The following GPC5 variants were observed in gnomAD, a reference collection of about 807,000 sequenced individuals.
GPC5 encodes the protein glypican 5.
A neutral mutation model predicts 53.9 loss-of-function variants in GPC5; 47 were observed. That is an observed-to-expected ratio of 0.87 (90% confidence interval 0.69 to 1.11). The LOEUF is 1.11. Ranked by LOEUF, GPC5 falls within the 50% of genes most tolerant of loss-of-function variation. GPC5 has a pLI of 0.00. For synonymous variants in GPC5, 286 were observed against 263.3 expected (o/e 1.09, Z -0.84); for missense variants, 748 against 713.1 (o/e 1.05, Z -0.56).
At chr13:92,573,183 C>A (rs182740446) in intron 7 of GPC5, among the ~76,000 whole-genome samples, 1 of 152,112 alleles carries the variant, frequency 6.6e-6, no homozygotes, top group African/African-American at 2.4e-5. Flanking sequence ...TTTTAAAGAT[C>A]GTGGCTACTG....
intron 7 of GPC5, among the ~76,000 whole-genome samples, chr13:92,363,237 A>G (rs2043582290): frequency 6.6e-6 from 1 of 151,688 alleles, no homozygotes; most frequent in Non-Finnish European, 1.5e-5. Context: ...TCCACCAGCT[A>G]GAGTAAAAAT....
At chr13:92,743,098 GT>G (rs201717388) in intron 7 of GPC5, among the ~76,000 whole-genome samples, 36 of 149,530 alleles carry the variant, frequency 2.4e-4, no homozygotes, top group South Asian at 1.5e-3. Flanking sequence ...CTTTAAAGTA[GT>G]TTTTTTTTTC....
intron 1 of GPC5, among the ~76,000 whole-genome samples, chr13:91,410,578 C>T (rs1877670735): frequency 6.6e-6 from 1 of 151,668 alleles, no homozygotes; most frequent in Admixed American, 6.6e-5. Context: ...GATCTCCTGA[C>T]CTCGTGATCC....
At chr13:92,271,721 T>C (rs578103840) in intron 7 of GPC5, among the ~76,000 whole-genome samples, 2 of 152,154 alleles carry the variant, frequency 1.3e-5, no homozygotes, top group South Asian at 2.1e-4. Flanking sequence ...AGAAAGAAGG[T>C]AGAGCTCTAG....
chr13:92,091,779 AAC>A (rs1225603073), intron 6 of GPC5, among the ~76,000 whole-genome samples: 108 of 152,104 alleles, frequency 7.1e-4, no homozygotes, highest in African/African-American at 2.6e-3. Flanking sequence ...AAAAAAAAAA[AAC>A]AATGTGAAAG....
At chr13:91,657,391 A>G (rs2034872131) in intron 2 of GPC5, among the ~76,000 whole-genome samples, 1 of 152,124 alleles carries the variant, frequency 6.6e-6, no homozygotes, top group African/African-American at 2.4e-5. Context: ...TAGCCAGTAG[A>G]TCTCAACTGG....
At chr13:91,665,516 C>CTTTTTTTT (rs1555335537) in intron 2 of GPC5, among the ~76,000 whole-genome samples, 1 of 106,522 alleles carries the variant, frequency 9.4e-6, no homozygotes. Context: ...TTTTTTTTTT[C>CTTTTTTTT]TTTTGAGACG....
rs1353356438 is a variant in GPC5, at chr13:91,474,893, C to T, written c.325+25971C>T. ...TGGATATTTACTATGGGTGACACTA[C>T]TATTAAAGTATATAGCATTTAAGTC... is the stretch of plus-strand genomic sequence containing the variant. On this transcript the variant is annotated intron_variant, in intron 2 of 7. Coordinates refer to ENST00000377067, the MANE Select transcript of GPC5 (RefSeq NM_004466.6). Among the ~76,000 whole-genome samples the T allele has an allele frequency of 9.9e-5, 15 of 152,190 alleles. No homozygotes were observed. In the South Asian group the frequency reaches 2.7e-3, roughly 27 times the overall value.
intron 7 of GPC5, among the ~76,000 whole-genome samples, chr13:92,436,793 GTGA>G (rs1158810382): frequency 2.6e-5 from 4 of 152,060 alleles, no homozygotes; most frequent in African/African-American, 9.7e-5. Flanking sequence ...TATTCAATAG[GTGA>G]TGATCATTGT....
chr13:91,562,188 T>A (rs75778042), intron 2 of GPC5, among the ~76,000 whole-genome samples: 7 of 45,052 alleles, frequency 1.6e-4, no homozygotes, highest in East Asian at 9.3e-4. Context: ...GGAGCAACAG[T>A]AAAAAAAAAA....
chr13:91,943,943 G>A (rs1323419129), intron 6 of GPC5, among the ~76,000 whole-genome samples: 5 of 151,862 alleles, frequency 3.3e-5, no homozygotes, highest in Admixed American at 2.6e-4. Context: ...TGTCTTTCAT[G>A]TTGATTACAA....
chr13:92,142,225 T>A (rs374943610), intron 6 of GPC5, among the ~76,000 whole-genome samples: 1 of 152,144 alleles, frequency 6.6e-6, no homozygotes. Context: ...AATCATGTGG[T>A]TGCATTATTC....
At chr13:91,628,554 T>C (rs2034072998) in intron 2 of GPC5, among the ~76,000 whole-genome samples, 2 of 152,152 alleles carry the variant, frequency 1.3e-5, no homozygotes, top group South Asian at 4.1e-4. Flanking sequence ...TGAAGTAAAA[T>C]AATAAGTAAT....
rs192809927 is a variant in GPC5, at chr13:92,685,087, C to T, written c.1562-181195C>T. 2.0e-3 allele frequency among the ~76,000 whole-genome samples: 296 copies of T among 150,634 alleles called. 1 individual carries two copies. The highest frequency in any genetic ancestry group is 6.9e-3 in the African/African-American group (283 of 40,942). On this transcript the variant is annotated intron_variant, in intron 7 of 7. Transcript: ENST00000377067. Reference sequence around the variant, plus strand: ...CCATTGCCAGTGAGATCCAGTAGTTCTATTTATTTATTTATTTATTTGAGA... The same window carrying T: ...CCATTGCCAGTGAGATCCAGTAGTTTTATTTATTTATTTATTTATTTGAGA...
intron 6 of GPC5, among the ~76,000 whole-genome samples, chr13:92,110,052 T>A (rs894258173): frequency 6.6e-6 from 1 of 152,176 alleles, no homozygotes; most frequent in Admixed American, 6.5e-5. Flanking sequence ...TAGGTGGCAG[T>A]ATCCATATAA....
At chr13:92,353,644 G>T (rs1053184335) in intron 7 of GPC5, among the ~76,000 whole-genome samples, 1 of 152,020 alleles carries the variant, frequency 6.6e-6, no homozygotes, top group Non-Finnish European at 1.5e-5. Flanking sequence ...TAAATATAAA[G>T]CAGACTATAT....
intron 6 of GPC5, among the ~76,000 whole-genome samples, chr13:92,028,905 C>T (rs532459524): frequency 3.3e-5 from 5 of 152,196 alleles, no homozygotes; most frequent in Non-Finnish European, 7.4e-5. Context: ...AGTTATATTC[C>T]AGGATGTTGG....
At chr13:92,033,346 C>G (rs2040868648) in intron 6 of GPC5, among the ~76,000 whole-genome samples, 1 of 152,062 alleles carries the variant, frequency 6.6e-6, no homozygotes, top group Non-Finnish European at 1.5e-5. Flanking sequence ...AAGTTTGTAT[C>G]TTAATGCCAG....
chr13:92,438,290 A>T (rs1339852667), intron 7 of GPC5, among the ~76,000 whole-genome samples: 1 of 151,892 alleles, frequency 6.6e-6, no homozygotes, highest in East Asian at 1.9e-4. Context: ...AAAGAAAATC[A>T]CACGTAAGCT....
Sources: gnomAD v4.1 joint callset for allele counts (sites outside exome capture counted in the v4.1 genomes callset) on GRCh38, gnomAD v4.1.1 for gene constraint, MANE v1.5 for transcripts, NCBI Gene and HGNC (gene_info 2026-07-23, HGNC 2026-07-21) for gene names.